Variants in PTPRG observed in about 807,000 individuals in gnomAD.
The protein encoded by PTPRG is protein tyrosine phosphatase receptor type G.
Under a neutral mutation model 165.3 loss-of-function variants are expected in PTPRG, and 102 were observed. That is an observed-to-expected ratio of 0.62 (90% CI 0.53 to 0.73). PTPRG has a LOEUF of 0.73. Among genes scored for constraint, PTPRG ranks in the 30% least tolerant of loss-of-function variants. The pLI is 0.00. For synonymous variants in PTPRG, 675 were observed against 669.5 expected (o/e 1.01, Z -0.13); for missense variants, 1,866 against 1,861.4 (o/e 1.00, Z -0.05).
intron 3 of PTPRG, 79 bp downstream of exon 3, chr3:61,989,883 A>C: frequency 6.7e-7 from 1 of 1,499,866 alleles, no homozygotes; most frequent in Non-Finnish European, 9.1e-7. Context: ...CTTAACCATG[A>C]CTTGCTCCTT....
intron 1 of PTPRG, among the ~76,000 whole-genome samples, chr3:61,741,660 A>G (rs1042714934): frequency 1.3e-5 from 2 of 152,258 alleles, no homozygotes; most frequent in Non-Finnish European, 2.9e-5. Flanking sequence ...AACCTTTGTC[A>G]TATAATCACT....
chr3:61,571,681 G>A (rs1700060499), intron 1 of PTPRG, among the ~76,000 whole-genome samples: 1 of 152,048 alleles, frequency 6.6e-6, no homozygotes, highest in South Asian at 2.1e-4. Context: ...AAATTGATTT[G>A]CTTTGTAATT....
rs192129552 is a variant in PTPRG, at chr3:62,279,236, C to T, written c.3765+1557C>T. 4.0e-3 allele frequency among the ~76,000 whole-genome samples: 607 copies of T among 152,104 alleles called. 16 individuals are homozygous for T. Among genetic ancestry groups the T allele is most frequent in the Admixed American group, 0.031 (470 of 15,254 alleles). The stretch of plus-strand genomic sequence containing the variant: ...TCACTGCTTCCTAACTCACAAAGTA[C>T]GGATATAGATGCCCAGATATCTTTG... On this transcript the variant is annotated intron_variant, in intron 26 of 29. Transcript: ENST00000474889.
intron 6 of PTPRG, among the ~76,000 whole-genome samples, chr3:62,135,788 G>A (rs1205874893): frequency 6.6e-6 from 1 of 152,156 alleles, no homozygotes; most frequent in African/African-American, 2.4e-5. Context: ...CCTCTGCAAG[G>A]AGAGAGGTGA....
chr3:61,566,381 A>C (rs1699914785), intron 1 of PTPRG, among the ~76,000 whole-genome samples: 2 of 152,258 alleles, frequency 1.3e-5, no homozygotes, highest in African/African-American at 4.8e-5. Flanking sequence ...ACAGAGTAGA[A>C]TCAGTTATAC....
intron 2 of PTPRG, among the ~76,000 whole-genome samples, chr3:61,844,654 C>G (rs145886872): frequency 7.5e-5 from 11 of 146,056 alleles, no homozygotes; most frequent in African/African-American, 2.9e-4. Flanking sequence ...GCCGCCACAT[C>G]TGGCTTTTTT....
chr3:61,585,547 C>T (rs1217277033), intron 1 of PTPRG, among the ~76,000 whole-genome samples: 5 of 152,022 alleles, frequency 3.3e-5, no homozygotes, highest in Admixed American at 3.3e-4. Context: ...GTGTTGGACA[C>T]CAGCCTGGGC....
At chr3:61,649,920 C>T (rs6807692) in intron 1 of PTPRG, among the ~76,000 whole-genome samples, 16,904 of 152,214 alleles carry the variant, frequency 0.11, 1,019 homozygotes, top group East Asian at 0.16. Context: ...TTGCTATAAT[C>T]TGCTGGTGGA....
intron 4 of PTPRG, among the ~76,000 whole-genome samples, chr3:62,050,351 A>G (rs1250993620): frequency 2.0e-5 from 3 of 152,208 alleles, no homozygotes; most frequent in Non-Finnish European, 4.4e-5. Context: ...ATACAGTCAT[A>G]TAGTTTTACA....
intron 2 of PTPRG, among the ~76,000 whole-genome samples, chr3:61,978,285 A>G (rs1163428003): frequency 6.6e-6 from 1 of 152,194 alleles, no homozygotes; most frequent in Non-Finnish European, 1.5e-5. Context: ...TCCAAAGCAG[A>G]ACATTAAGTA....
Position 62,276,984 on chromosome 3 carries a change from G to C in PTPRG, c.3572G>C (p.Arg1191Pro), listed in dbSNP as rs141644107. 1.2e-6 allele frequency: 2 copies of C among 1,612,978 alleles called. No individual in the cohort carries two copies. Among genetic ancestry groups the C allele is most frequent in the Non-Finnish European group, 1.7e-6 (2 of 1,179,298 alleles). ...NSSVVPSERA[R>P]VGLAPLPGMK... ...TTCCATATGATAGCTGAGCGTGCTC[G>C]AGTGGGTCTTGCACCATTGCCTGGA... Residue 1191 changes from arginine (R) to proline (P), a missense_variant, in exon 25 of 30, where the codon CGA becomes CCA. Transcript: ENST00000474889.
At chr3:62,256,596 T>G (rs1464492029) in intron 16 of PTPRG, among the ~76,000 whole-genome samples, 1 of 152,204 alleles carries the variant, frequency 6.6e-6, no homozygotes, top group African/African-American at 2.4e-5. Context: ...CAAATGTGTG[T>G]GGTGTTAAAG....
intron 1 of PTPRG, among the ~76,000 whole-genome samples, chr3:61,745,541 A>G (rs1261746200): frequency 6.6e-6 from 1 of 152,194 alleles, no homozygotes; most frequent in Non-Finnish European, 1.5e-5. Flanking sequence ...CCCACTTTGT[A>G]CCTCAATACT....
intron 1 of PTPRG, among the ~76,000 whole-genome samples, chr3:61,686,725 G>A (rs1298920354): frequency 1.3e-5 from 2 of 152,190 alleles, no homozygotes; most frequent in Non-Finnish European, 2.9e-5. Context: ...AATCAGAGAA[G>A]CATTGCCCTA....
chr3:61,759,768 C>T (rs1161162635), intron 2 of PTPRG, among the ~76,000 whole-genome samples: 1 of 151,490 alleles, frequency 6.6e-6, no homozygotes, highest in African/African-American at 2.4e-5. Flanking sequence ...AAATATTTGA[C>T]TTTCACATAA....
intron 1 of PTPRG, among the ~76,000 whole-genome samples, chr3:61,576,118 T>C (rs1421149937): frequency 1.3e-5 from 2 of 152,202 alleles, no homozygotes; most frequent in African/African-American, 2.4e-5. Context: ...TTGGCTGTTG[T>C]CATGCTTTCT....
At chr3:62,206,337 A>G (rs1700230004) in intron 12 of PTPRG, among the ~76,000 whole-genome samples, 1 of 152,058 alleles carries the variant, frequency 6.6e-6, no homozygotes, top group Non-Finnish European at 1.5e-5. Context: ...AGCATCTACA[A>G]TCTTGGCAGA....
chr3:61,914,532 C>T (rs1020983807), intron 2 of PTPRG, among the ~76,000 whole-genome samples: 4 of 152,174 alleles, frequency 2.6e-5, no homozygotes, highest in African/African-American at 9.7e-5. Context: ...CTTGTTTTCA[C>T]GTTCCGAGTT....
At chr3:61,885,690 T>TCCACTCCTCCCCTCCCCTCCCCTCC (rs1559669140) in intron 2 of PTPRG, among the ~76,000 whole-genome samples, 1 of 105,900 alleles carries the variant, frequency 9.4e-6, no homozygotes, top group East Asian at 2.9e-4. Flanking sequence ...TCCTCTCCTC[T>TCCACTCCTCCCCTCCCCTCCCCTCC]CCTCTCCTCT....
Sources: allele counts gnomAD v4.1 joint callset (sites outside exome capture counted in the v4.1 genomes callset), GRCh38; gene constraint gnomAD v4.1.1; transcripts MANE v1.5; gene names NCBI Gene and HGNC (gene_info 2026-07-23, HGNC 2026-07-21).